The following ELP2 variants were observed in gnomAD, a reference collection of about 807,000 sequenced individuals.
The protein encoded by ELP2 is elongator acetyltransferase complex subunit 2, also known as elongator complex protein 2.
A neutral mutation model predicts 119.2 loss-of-function variants in ELP2; 90 were observed. That is an observed-to-expected ratio of 0.75 (90% CI 0.64 to 0.90). ELP2 has a LOEUF of 0.90. Among genes scored for constraint, ELP2 ranks in the 40% least tolerant of loss-of-function variants. The pLI is 0.00. For synonymous variants in ELP2, 339 were observed against 331.0 expected (o/e 1.02, Z -0.26); for missense variants, 921 against 967.8 (o/e 0.95, Z 0.64).
In ELP2 at chr18:36,180,030, TTC is replaced by T. The variant is rs1298126930; in HGVS notation, c.*5394_*5395del. The T allele has an allele frequency of 6.6e-6, 1 of 152,254 alleles. No individual in the cohort carries two copies. The highest frequency in any genetic ancestry group is 2.4e-5 in the African/African-American group (1 of 41,446). 9.4% of individuals were successfully genotyped at this position (152,254 alleles called of 1,614,324 possible). ...TGGTTTACGCAAGTTAAAAGTTTAT[TTC>T]TCTCATATGAAAGGAGTCAAGGCAG... On this transcript the variant is annotated 3_prime_UTR_variant, in exon 22 of 22. Transcript: ENST00000358232.
chr18:36,139,714 C>T (rs2144610336), intron 5 of ELP2: 2 of 1,097,058 alleles, frequency 1.8e-6, no homozygotes, highest in East Asian at 2.6e-5. Flanking sequence ...AAGGCATGTC[C>T]TTAGAAAAAG....
chr18:36,129,949 C>T lies in ELP2; in HGVS notation c.16C>T (p.Leu6=). Residue 6 remains leucine (L), a synonymous_variant, in exon 1 of 22, where the codon CTG becomes TTG. Coordinates refer to ENST00000358232, the MANE Select transcript of ELP2 (RefSeq NM_018255.4). MVAPV[L]ETSHVFCCPN... Reference sequence around the variant, plus strand: ...AGTTGGCGACATGGTGGCACCCGTGCTGGAGACTTCTCACGTGTTTTGCTG... The same window carrying T: ...AGTTGGCGACATGGTGGCACCCGTGTTGGAGACTTCTCACGTGTTTTGCTG... 1 of 1,614,238 alleles carries T rather than the reference C, an allele frequency of 6.2e-7. No individual in the cohort carries two copies. The highest frequency in any genetic ancestry group is 1.3e-5 in the African/African-American group (1 of 75,068).
At position 36,156,528 on chromosome 18, in the gene ELP2, G is replaced by A. The variant is rs374091443; in HGVS notation, c.1338G>A (p.Met446Ile). The change falls in exon 13 of 22, where the codon ATG (methionine) becomes ATA (isoleucine). Residue 446 changes from methionine (M) to isoleucine (I), a missense_variant. Coordinates refer to ENST00000358232, the MANE Select transcript of ELP2 (RefSeq NM_018255.4). ...IHGYDLKCLAMINRFQFVSGA... is the reference protein window; with the variant it reads ...IHGYDLKCLAIINRFQFVSGA... ...GGTATGACCTGAAATGTTTGGCAAT[G>A]ATTAATCGGTTTCAGTTTGTATCTG... 1.2e-6 allele frequency: 2 copies of A among 1,614,034 alleles called. No individual in the cohort carries two copies. Among genetic ancestry groups the A allele is most frequent in the African/African-American group, 1.3e-5 (1 of 74,940 alleles).
At chr18:36,133,390 T>C in intron 2 of ELP2, 74 bp downstream of exon 2, 1 of 1,047,108 alleles carries the variant, frequency 9.6e-7, no homozygotes, top group South Asian at 1.3e-5. Context: ...TTTTTTCTCA[T>C]CACTTCTCTT....
At position 36,129,927 on chromosome 18, in the gene ELP2, T is replaced by C. The variant is rs750712010; in HGVS notation, c.-7T>C. 6.2e-7 allele frequency: 1 copy of C among 1,614,186 alleles called. No individual in the cohort carries two copies. The highest frequency in any genetic ancestry group is 2.2e-5 in the East Asian group (1 of 44,884). ...TCTCTTGTTTGTGCGGCTGACCAGT[T>C]GGCGACATGGTGGCACCCGTGCTGG... On this transcript the variant is annotated 5_prime_UTR_variant, in exon 1 of 22. Coordinates refer to ENST00000358232, the MANE Select transcript of ELP2 (RefSeq NM_018255.4).
intron 9 of ELP2, 66 bp from the exon 10 acceptor site, chr18:36,145,882 T>G: frequency 7.2e-7 from 1 of 1,380,100 alleles, no homozygotes; most frequent in Non-Finnish European, 1.0e-6. Context: ...GTTTGTTGTT[T>G]TTTTCTGGTC....
At chr18:36,138,967 G>C in intron 5 of ELP2, 95 bp downstream of exon 5, 1 of 907,012 alleles carries the variant, frequency 1.1e-6, no homozygotes, top group Non-Finnish European at 1.8e-6. Flanking sequence ...TCTTAATTTT[G>C]TATCTGAATG....
chr18:36,145,443 A>G (rs1407797856), intron 9 of ELP2: 8 of 295,066 alleles, frequency 2.7e-5, no homozygotes. Context: ...TTCTTTTGCC[A>G]TTTATCTCCA....
rs945269689 is a variant in ELP2 at position 36,139,309 on chromosome 18, G to T, written c.523+437G>T. On this transcript the variant is annotated intron_variant, in intron 5 of 21. Transcript: ENST00000358232. ...TTTTGCCCAAGACCACTTAAAATCT[G>T]CAAACAGAAAAATTTCCCTTTTGCT... 8 of 1,078,694 alleles carry T rather than the reference G, an allele frequency of 7.4e-6. No homozygotes were observed. In the Admixed American group the frequency reaches 8.4e-5, roughly 11 times the overall value. 66.8% of individuals were successfully genotyped at this position (1,078,694 alleles called of 1,614,324 possible). A position where few individuals can be genotyped will look rare whatever the true frequency, so the allele number is the denominator to read the frequency against.
rs759700591 is a variant in ELP2 at position 36,159,770 on chromosome 18, C to T, written c.1570C>T (p.Leu524=). 2 of 1,613,974 alleles carry T rather than the reference C, an allele frequency of 1.2e-6. No homozygotes were observed. The highest frequency in any genetic ancestry group is 1.1e-5 in the South Asian group (1 of 91,084). The change falls in exon 15 of 22, where the codon CTG becomes TTG. Residue 524 remains leucine, a synonymous_variant. Transcript: ENST00000358232. ...IASQPSDEEE[L]LTSTGFEYQQ... ...TTCTCAGCCTTCTGATGAAGAGGAG[C>T]TGTTAACTAGTACTGGTTTTGAGTA...
In ELP2 at chr18:36,162,293, A is replaced by C. The variant is rs563879601; in HGVS notation, c.1761+1289A>C. ...TGATAGAGTAGTTTACATTTTCTAA[A>C]ATTGTATATAAATAGGATCATGTAA... On this transcript the variant is annotated intron_variant, in intron 17 of 21. Coordinates refer to ENST00000358232, the MANE Select transcript of ELP2 (RefSeq NM_018255.4). 7.9e-5 allele frequency among the ~76,000 whole-genome samples: 12 copies of C among 152,252 alleles called. No individual in the cohort carries two copies. In the South Asian group the frequency reaches 2.5e-3, roughly 32 times the overall value.
intron 4 of ELP2, 98 bp from the exon 5 acceptor site, chr18:36,138,697 C>T: frequency 1.9e-6 from 2 of 1,066,572 alleles, no homozygotes; most frequent in East Asian, 4.7e-5. Flanking sequence ...TCTCATCTCC[C>T]TTCTGCTACC....
At chr18:36,153,092 A>G (rs78620464) in intron 11 of ELP2, among the ~76,000 whole-genome samples, 3,469 of 152,292 alleles carry the variant, frequency 0.023, 128 homozygotes, top group African/African-American at 0.079. Flanking sequence ...TCAAGTCCTT[A>G]TCCAGCACCC....
chr18:36,150,318 T>C (rs1227323099), intron 11 of ELP2, among the ~76,000 whole-genome samples: 1 of 152,188 alleles, frequency 6.6e-6, no homozygotes, highest in African/African-American at 2.4e-5. Context: ...CCAGTGTCAG[T>C]TCTAGGGGAA....
intron 1 of ELP2, among the ~76,000 whole-genome samples, chr18:36,131,930 C>CTTTTTT (rs5823996): frequency 1.8e-4 from 14 of 79,876 alleles, no homozygotes; most frequent in South Asian, 5.5e-4. Context: ...GCTGGTCGGG[C>CTTTTTT]TTTTTTTTTT....
At chr18:36,157,036 T>TCCA (rs2090597087) in intron 13 of ELP2, among the ~76,000 whole-genome samples, 1 of 152,202 alleles carries the variant, frequency 6.6e-6, no homozygotes, top group East Asian at 1.9e-4. Flanking sequence ...TATCTGCAGT[T>TCCA]GTTAGATGAG....
In ELP2 at chr18:36,176,655, A is replaced by G. The variant is rs1325103313; in HGVS notation, c.*2014A>G. 1 of 152,252 alleles carries G rather than the reference A, an allele frequency of 6.6e-6. No individual in the cohort carries two copies. Among genetic ancestry groups the G allele is most frequent in the East Asian group, 1.9e-4 (1 of 5,200 alleles). The allele number at this position is 152,252 out of a possible 1,614,324, so 9.4% of individuals were successfully genotyped here. On this transcript the variant is annotated 3_prime_UTR_variant, in exon 22 of 22. Coordinates refer to ENST00000358232, the MANE Select transcript of ELP2 (RefSeq NM_018255.4). The stretch of plus-strand genomic sequence containing the variant: ...ATCTGGGCAGTCTGCATTGTAATTC[A>G]TATGTGTTTACACATTTGTGTCTTC...
chr18:36,137,582 A>G (rs1193083537), intron 3 of ELP2, among the ~76,000 whole-genome samples: 2 of 152,192 alleles, frequency 1.3e-5, no homozygotes, highest in East Asian at 3.9e-4. Flanking sequence ...AAAAAGATAA[A>G]CCCAAAACAT....
At chr18:36,150,471 T>C (rs1283385333) in intron 11 of ELP2, among the ~76,000 whole-genome samples, 1 of 152,210 alleles carries the variant, frequency 6.6e-6, no homozygotes, top group Non-Finnish European at 1.5e-5. Flanking sequence ...TATGGGTGTT[T>C]CAGGTGTCAT....
Sources: gnomAD v4.1 joint callset for allele counts (sites outside exome capture counted in the v4.1 genomes callset) on GRCh38, gnomAD v4.1.1 for gene constraint, MANE v1.5 for transcripts, NCBI Gene and HGNC (gene_info 2026-07-23, HGNC 2026-07-21) for gene names.